SUMF1: variants seen among roughly 807,000 people sequenced by gnomAD.
SUMF1 encodes the protein formylglycine-generating enzyme.
SUMF1 carries 48 observed loss-of-function variants against 47.6 expected under a neutral mutation model. The observed-to-expected ratio is 1.01, with a 90% confidence interval of 0.80 to 1.28. SUMF1 has a LOEUF of 1.28. SUMF1 is among the 50% of genes most tolerant of loss of function. The pLI is 0.00. For synonymous variants in SUMF1, 230 were observed against 192.1 expected (o/e 1.20, Z -1.63); for missense variants, 571 against 485.4 (o/e 1.18, Z -1.66).
At chr3:4,126,669 C>G (rs1303164017) in intron 8 of SUMF1, among the ~76,000 whole-genome samples, 1 of 152,116 alleles carries the variant, frequency 6.6e-6, no homozygotes, top group East Asian at 1.9e-4. Context: ...AGAACTAAAA[C>G]TGGCAGTGGA....
At chr3:4,412,478 G>C (rs1424616015) in intron 6 of SUMF1, among the ~76,000 whole-genome samples, 1 of 152,196 alleles carries the variant, frequency 6.6e-6, no homozygotes, top group African/African-American at 2.4e-5. Context: ...ACAATTTGGA[G>C]ATGATCAAAA....
chr3:4,050,896 A>T (rs1336880684), intron 9 of SUMF1, among the ~76,000 whole-genome samples: 1 of 151,944 alleles, frequency 6.6e-6, no homozygotes, highest in African/African-American at 2.4e-5. Context: ...ATAATCTTCA[A>T]ATCCAAGTAT....
At chr3:4,461,077 A>G (rs2079803727) in intron 1 of SUMF1, among the ~76,000 whole-genome samples, 1 of 152,226 alleles carries the variant, frequency 6.6e-6, no homozygotes. Context: ...AGCAGACACA[A>G]AAATCTTTAC....
intron 9 of SUMF1, among the ~76,000 whole-genome samples, chr3:4,063,224 A>T (rs1695302813): frequency 6.6e-6 from 1 of 152,058 alleles, no homozygotes; most frequent in Admixed American, 6.6e-5. Flanking sequence ...CCACACATCA[A>T]CTGCCTAACA....
intron 8 of SUMF1, among the ~76,000 whole-genome samples, chr3:4,289,979 C>G (rs1455194319): frequency 6.6e-6 from 1 of 152,184 alleles, no homozygotes; most frequent in Non-Finnish European, 1.5e-5. Context: ...CAACTATTGG[C>G]AGATCTAGAT....
chr3:4,211,098 AC>A (rs1559569563), intron 8 of SUMF1, among the ~76,000 whole-genome samples: 1 of 122,698 alleles, frequency 8.2e-6, no homozygotes, highest in Non-Finnish European at 1.7e-5. Context: ...TCCTTAATAA[AC>A]TCCCATATAT....
intron 8 of SUMF1, among the ~76,000 whole-genome samples, chr3:4,182,495 G>T (rs534893889): frequency 6.6e-6 from 1 of 151,206 alleles, no homozygotes; most frequent in Non-Finnish European, 1.5e-5. Flanking sequence ...TGTATTCAGC[G>T]GGTAAAACGT....
chr3:4,339,234 C>G (rs1479253051), intron 8 of SUMF1, among the ~76,000 whole-genome samples: 1 of 152,176 alleles, frequency 6.6e-6, no homozygotes, highest in Non-Finnish European at 1.5e-5. Context: ...CCCTTCATCA[C>G]TGATTGACTT....
At chr3:4,392,859 A>AT (rs11372840) in intron 7 of SUMF1, among the ~76,000 whole-genome samples, 31,974 of 151,300 alleles carry the variant, frequency 0.21, 4,110 homozygotes, top group Middle Eastern at 0.36. Flanking sequence ...CATTGAGGTC[A>AT]TATTTGTGTT....
intron 8 of SUMF1, among the ~76,000 whole-genome samples, chr3:4,200,538 G>T (rs1474801793): frequency 6.6e-6 from 1 of 152,084 alleles, no homozygotes; most frequent in Non-Finnish European, 1.5e-5. Flanking sequence ...GGGTTCTAAG[G>T]TTTTCACGCT....
At chr3:4,406,021 T>TC (rs1701363842) in intron 7 of SUMF1, among the ~76,000 whole-genome samples, 1 of 152,180 alleles carries the variant, frequency 6.6e-6, no homozygotes, top group African/African-American at 2.4e-5. Context: ...TCCCTCTGCT[T>TC]CTTTTTTTCT....
chr3:4,373,122 T>A (rs1700217209), intron 8 of SUMF1, among the ~76,000 whole-genome samples: 1 of 151,746 alleles, frequency 6.6e-6, no homozygotes, highest in East Asian at 1.9e-4. Flanking sequence ...AATCAACCAC[T>A]AAGATTATAA....
At chr3:4,305,669 G>A (rs904569028) in intron 8 of SUMF1, among the ~76,000 whole-genome samples, 2 of 152,086 alleles carry the variant, frequency 1.3e-5, no homozygotes, top group African/African-American at 2.4e-5. Context: ...TTGATGTTAT[G>A]CCAGAGTCAG....
At chr3:4,426,162 C>A (rs928202843) in intron 3 of SUMF1, among the ~76,000 whole-genome samples, 1 of 152,110 alleles carries the variant, frequency 6.6e-6, no homozygotes, top group Non-Finnish European at 1.5e-5. Context: ...AGGAGGTATC[C>A]ACATTCCTCA....
intron 8 of SUMF1, among the ~76,000 whole-genome samples, chr3:4,129,629 C>T (rs1693738770): frequency 6.6e-6 from 1 of 152,022 alleles, no homozygotes; most frequent in South Asian, 2.1e-4. Flanking sequence ...AATCTTTCTG[C>T]CATGCTTCCC....
At chr3:4,433,004 G>A (rs76097420) in intron 3 of SUMF1, among the ~76,000 whole-genome samples, 3 of 152,120 alleles carry the variant, frequency 2.0e-5, no homozygotes, top group East Asian at 1.9e-4. Flanking sequence ...GTGCCACTTC[G>A]TGGGCCATTG....
intron 8 of SUMF1, among the ~76,000 whole-genome samples, chr3:4,271,598 C>T (rs1409193073): frequency 1.3e-5 from 2 of 152,076 alleles, no homozygotes; most frequent in Non-Finnish European, 2.9e-5. Context: ...AAATCCCAGG[C>T]TCAAGTGATT....
chr3:4,098,726 C>A (rs1404047282), intron 8 of SUMF1, among the ~76,000 whole-genome samples: 1 of 152,138 alleles, frequency 6.6e-6, no homozygotes, highest in Non-Finnish European at 1.5e-5. Flanking sequence ...GATGTTTCCT[C>A]CATCTGCCAA....
At chr3:4,434,020 GAGTGAAGTA>G (rs1476273578) in intron 3 of SUMF1, among the ~76,000 whole-genome samples, 11 of 152,220 alleles carry the variant, frequency 7.2e-5, no homozygotes, top group African/African-American at 2.7e-4. Context: ...ACGTGATGCT[GAGTGAAGTA>G]AGTCAGGCAC....
Sources: gnomAD v4.1 joint callset for allele counts (sites outside exome capture counted in the v4.1 genomes callset) on GRCh38, gnomAD v4.1.1 for gene constraint, MANE v1.5 for transcripts, NCBI Gene and HGNC (gene_info 2026-07-23, HGNC 2026-07-21) for gene names.